NRG1: variants seen among roughly 807,000 people sequenced by gnomAD.
The protein encoded by NRG1 is neuregulin 1.
A neutral mutation model predicts 63.8 loss-of-function variants in NRG1; 18 were observed. That is an observed-to-expected ratio of 0.28 (90% CI 0.19 to 0.42). NRG1 has a LOEUF of 0.42. NRG1 is among the 10% of genes least tolerant of loss of function. The pLI is 1.00. For missense variants in NRG1, 762 were observed against 814.7 expected (o/e 0.94, Z 0.79); for synonymous variants, 302 against 301.3 (o/e 1.00, Z -0.02).
At chr8:32,502,996 T>C (rs1268707667) in intron 1 of NRG1, among the ~76,000 whole-genome samples, 1 of 151,926 alleles carries the variant, frequency 6.6e-6, no homozygotes, top group Non-Finnish European at 1.5e-5. Flanking sequence ...AATTAAGAAG[T>C]CAAAAGTAGC....
intron 10 of NRG1, 149 bp from the exon 11 acceptor site, chr8:32,760,051 G>A (rs540590073): frequency 2.6e-5 from 22 of 849,544 alleles, no homozygotes; most frequent in Admixed American, 1.5e-4. Context: ...CCTTTGTGGC[G>A]ATTCTATTCG....
exon 1 of NRG1, chr8:32,548,362 G>T (rs1398853975): frequency 6.9e-6 from 7 of 1,020,954 alleles, no homozygotes; most frequent in Non-Finnish European, 8.2e-6. Context: ...GAGCGGCGGC[G>T]GCTGCCGGAC....
intron 1 of NRG1, among the ~76,000 whole-genome samples, chr8:31,728,290 C>A (rs979448755): frequency 1.1e-4 from 16 of 151,966 alleles, no homozygotes; most frequent in Admixed American, 1.0e-3. Context: ...ATGGTGAAAC[C>A]CCGTCTCTAC....
At chr8:32,616,807 A>G in intron 4 of NRG1, 28 bp from the exon 5 acceptor site, 9 of 1,586,562 alleles carry the variant, frequency 5.7e-6, no homozygotes, top group Non-Finnish European at 6.9e-6. Context: ...GACTCAATAA[A>G]GCCTCATTCC....
intron 1 of NRG1, among the ~76,000 whole-genome samples, chr8:32,402,964 C>G (rs565339437): frequency 6.6e-6 from 1 of 152,048 alleles, no homozygotes; most frequent in East Asian, 1.9e-4. Flanking sequence ...TTTTCCTCAG[C>G]CTTGTTGAGG....
At chr8:32,121,762 G>A (rs1044305827) in intron 1 of NRG1, among the ~76,000 whole-genome samples, 2 of 151,910 alleles carry the variant, frequency 1.3e-5, no homozygotes, top group African/African-American at 2.4e-5. Flanking sequence ...ATAGATCCTT[G>A]CAGCCCACAT....
intron 1 of NRG1, among the ~76,000 whole-genome samples, chr8:31,938,389 G>A (rs1801251158): frequency 6.6e-6 from 1 of 152,078 alleles, no homozygotes; most frequent in African/African-American, 2.4e-5. Context: ...CACCTCATGG[G>A]ACAAAAGAAT....
intron 1 of NRG1, among the ~76,000 whole-genome samples, chr8:32,020,263 C>T (rs907227801): frequency 6.6e-6 from 1 of 152,192 alleles, no homozygotes; most frequent in South Asian, 2.1e-4. Flanking sequence ...TGATGCTATG[C>T]TAAATGGTAT....
rs532707611 is a variant in NRG1, at chr8:31,912,329, C to G, written c.37+272898C>G. ...TTTACTATCTAGGAGTTGTGGGGGACTTGGTGGGTAGCCAGAAAAGATGAC... is the reference window on the plus strand; with the variant it reads ...TTTACTATCTAGGAGTTGTGGGGGAGTTGGTGGGTAGCCAGAAAAGATGAC... On this transcript the variant is annotated intron_variant, in intron 1 of 10. Transcript: ENST00000519301. Among the ~76,000 whole-genome samples, 23 of 152,140 alleles carry G rather than the reference C, an allele frequency of 1.5e-4. No homozygotes were observed. The South Asian group carries it at 4.8e-3, about 32-fold the overall frequency.
At chr8:31,966,110 A>T (rs1806280377) in intron 1 of NRG1, among the ~76,000 whole-genome samples, 1 of 152,182 alleles carries the variant, frequency 6.6e-6, no homozygotes, top group South Asian at 2.1e-4. Context: ...TGAAACTAAA[A>T]AAAAAAGAAA....
chr8:32,220,886 G>A (rs1231303061), intron 1 of NRG1: 1 of 152,202 alleles, frequency 6.6e-6, no homozygotes, highest in Non-Finnish European at 1.5e-5. Context: ...TCTGGATGCT[G>A]GAAACCTGGG....
chr8:32,240,122 T>G (rs1197635257), intron 1 of NRG1, among the ~76,000 whole-genome samples: 2 of 152,172 alleles, frequency 1.3e-5, no homozygotes, highest in East Asian at 3.9e-4. Context: ...GCTGTTTTAT[T>G]TGTAAAAGCC....
intron 1 of NRG1, among the ~76,000 whole-genome samples, chr8:31,688,393 G>A (rs1809130831): frequency 6.6e-6 from 1 of 152,154 alleles, no homozygotes; most frequent in Non-Finnish European, 1.5e-5. Flanking sequence ...CTGTGAGGAA[G>A]TGGGCCCTCA....
upstream of NRG1, among the ~76,000 whole-genome samples, chr8:32,547,670 T>C (rs1477421135): frequency 1.3e-5 from 2 of 152,022 alleles, no homozygotes; most frequent in African/African-American, 2.4e-5. Flanking sequence ...CTAGCATCTT[T>C]AAGGTTCGCT....
At chr8:32,452,873 C>A (rs1025253401) in intron 1 of NRG1, among the ~76,000 whole-genome samples, 2 of 152,158 alleles carry the variant, frequency 1.3e-5, no homozygotes, top group South Asian at 2.1e-4. Context: ...TTCTAATTTC[C>A]CTTTAATAAG....
intron 1 of NRG1, among the ~76,000 whole-genome samples, chr8:32,254,732 A>T (rs564177203): frequency 6.6e-6 from 1 of 152,164 alleles, no homozygotes; most frequent in African/African-American, 2.4e-5. Context: ...ATCCTTGTTA[A>T]TTTTCTGTCT....
intron 1 of NRG1, among the ~76,000 whole-genome samples, chr8:31,794,468 A>T (rs1821007897): frequency 6.6e-6 from 1 of 151,192 alleles, no homozygotes; most frequent in African/African-American, 2.4e-5. Flanking sequence ...TATGAGGGAA[A>T]CTGTGTAAAT....
rs1172496978 is a variant in NRG1 at position 32,302,998 on chromosome 8, G to A, written c.38-292830G>A. On this transcript the variant is annotated intron_variant, in intron 1 of 10. Transcript: ENST00000519301. ...GGAGTTCGAGACCAGCCTGGCCAAC[G>A]TGGTAAAGCCCTGTCTCTGCTAAAA... Among the ~76,000 whole-genome samples the A allele has an allele frequency of 4.0e-5, 6 of 151,860 alleles. No homozygotes were observed. The South Asian group carries it at 6.2e-4, about 16-fold the overall frequency.
At chr8:32,509,928 A>G (rs545139911) in intron 1 of NRG1, among the ~76,000 whole-genome samples, 21 of 152,172 alleles carry the variant, frequency 1.4e-4, no homozygotes, top group African/African-American at 1.9e-4. Flanking sequence ...AGACCCTACA[A>G]TTATTGCTAC....
Sources: gnomAD v4.1 joint callset for allele counts (sites outside exome capture counted in the v4.1 genomes callset) on GRCh38, gnomAD v4.1.1 for gene constraint, MANE v1.5 for transcripts, NCBI Gene and HGNC (gene_info 2026-07-23, HGNC 2026-07-21) for gene names.